The following CDKAL1 variants were observed in gnomAD, a reference collection of about 807,000 sequenced individuals.
CDKAL1 encodes threonylcarbamoyladenosine tRNA methylthiotransferase.
In CDKAL1, 32 loss-of-function variants were observed where a neutral mutation model predicts 68.2. That is an observed-to-expected ratio of 0.47 (90% CI 0.35 to 0.63). CDKAL1 has a LOEUF of 0.63. CDKAL1 is among the 30% of genes least tolerant of loss of function. CDKAL1 has a pLI of 0.00. For synonymous variants in CDKAL1, 234 were observed against 244.3 expected (o/e 0.96, Z 0.39); for missense variants, 606 against 696.7 (o/e 0.87, Z 1.47).
intron 8 of CDKAL1, among the ~76,000 whole-genome samples, chr6:20,811,060 G>A (rs1776794615): frequency 6.6e-6 from 1 of 152,100 alleles, no homozygotes; most frequent in South Asian, 2.1e-4. Context: ...CAGGTACAAC[G>A]TCTTCATCTC....
intron 8 of CDKAL1, among the ~76,000 whole-genome samples, chr6:20,820,656 A>C (rs1167845218): frequency 6.6e-6 from 1 of 152,104 alleles, no homozygotes; most frequent in Non-Finnish European, 1.5e-5. Flanking sequence ...TCTTAAGTTC[A>C]AGTCCTGGTT....
intron 15 of CDKAL1, among the ~76,000 whole-genome samples, chr6:21,228,769 C>T (rs1196630209): frequency 6.6e-6 from 1 of 152,232 alleles, no homozygotes; most frequent in African/African-American, 2.4e-5. Context: ...AGCTGAAGGA[C>T]TCTGCATTCT....
At chr6:21,128,882 T>C (rs1775149089) in intron 13 of CDKAL1, among the ~76,000 whole-genome samples, 1 of 152,248 alleles carries the variant, frequency 6.6e-6, no homozygotes, top group Non-Finnish European at 1.5e-5. Flanking sequence ...TGGACCATTG[T>C]ACCATAAAAC....
At chr6:20,832,008 A>G (rs998901637) in intron 8 of CDKAL1, among the ~76,000 whole-genome samples, 5 of 152,174 alleles carry the variant, frequency 3.3e-5, no homozygotes, top group Non-Finnish European at 7.3e-5. Flanking sequence ...TGCAAAACTT[A>G]TTGAACCACC....
chr6:21,163,194 G>C (rs1380600110), intron 13 of CDKAL1, among the ~76,000 whole-genome samples: 1 of 152,272 alleles, frequency 6.6e-6, no homozygotes, highest in East Asian at 1.9e-4. Flanking sequence ...ACCTTGCCTT[G>C]TGCAAAAGTC....
intron 4 of CDKAL1, among the ~76,000 whole-genome samples, chr6:20,602,547 G>A (rs1314269553): frequency 6.6e-6 from 1 of 152,080 alleles, no homozygotes; most frequent in Non-Finnish European, 1.5e-5. Flanking sequence ...TTTACGTCGT[G>A]GTTAGTGGTT....
intron 15 of CDKAL1, among the ~76,000 whole-genome samples, chr6:21,216,954 G>A (rs9358401): frequency 0.59 from 89,398 of 151,992 alleles, 27,095 homozygotes; most frequent in African/African-American, 0.74. Flanking sequence ...ATGCCCTCCT[G>A]TCTCCCACAG....
chr6:20,754,223 T>A (rs1774069151), intron 6 of CDKAL1, among the ~76,000 whole-genome samples: 1 of 152,166 alleles, frequency 6.6e-6, no homozygotes, highest in Non-Finnish European at 1.5e-5. Context: ...CTTAAAGTGA[T>A]CTTCCCATAT....
At chr6:20,752,011 C>G (rs1393881157) in intron 6 of CDKAL1, among the ~76,000 whole-genome samples, 1 of 151,584 alleles carries the variant, frequency 6.6e-6, no homozygotes, top group African/African-American at 2.4e-5. Flanking sequence ...ATTGTTTTTT[C>G]TTCTTTCTCT....
At chr6:21,090,952 G>A (rs1371129404) in intron 12 of CDKAL1, among the ~76,000 whole-genome samples, 2 of 151,890 alleles carry the variant, frequency 1.3e-5, no homozygotes, top group East Asian at 1.9e-4. Context: ...CTCCAGGCAA[G>A]CACCACAATG....
At chr6:20,964,234 T>G (rs911200816) in intron 10 of CDKAL1, among the ~76,000 whole-genome samples, 3 of 152,320 alleles carry the variant, frequency 2.0e-5, no homozygotes, top group Admixed American at 2.0e-4. Context: ...GTTCAACCAT[T>G]GTGGAAGACT....
chr6:20,568,203 G>T, intron 4 of CDKAL1, among the ~76,000 whole-genome samples: 1 of 151,838 alleles, frequency 6.6e-6, no homozygotes, highest in East Asian at 2.0e-4. Context: ...ATTTTTTGTA[G>T]AGACGGAGTC....
chr6:21,101,346 CAG>C (rs1265845263), intron 12 of CDKAL1, among the ~76,000 whole-genome samples: 2 of 152,124 alleles, frequency 1.3e-5, no homozygotes, highest in Admixed American at 1.3e-4. Context: ...CCAATTAAGT[CAG>C]AGTCACTGGG....
intron 8 of CDKAL1, chr6:20,799,711 C>A (rs144544551): frequency 4.6e-5 from 7 of 152,120 alleles, no homozygotes; most frequent in African/African-American, 1.7e-4. Context: ...CTGGTTAGAA[C>A]AAAAATGCCA....
At chr6:21,193,079 C>T (rs1034635957) in intron 13 of CDKAL1, among the ~76,000 whole-genome samples, 2 of 151,922 alleles carry the variant, frequency 1.3e-5, no homozygotes, top group Non-Finnish European at 2.9e-5. Flanking sequence ...TTGGCCTCCC[C>T]GAATGCTGGG....
At chr6:20,658,453 A>G (rs1489861579) in intron 5 of CDKAL1, among the ~76,000 whole-genome samples, 2 of 152,248 alleles carry the variant, frequency 1.3e-5, no homozygotes, top group East Asian at 3.8e-4. Context: ...TGTGTTTGAG[A>G]CAGAGGATAT....
intron 5 of CDKAL1, among the ~76,000 whole-genome samples, chr6:20,700,056 ATT>A (rs879622187): frequency 1.1e-3 from 163 of 144,452 alleles, no homozygotes; most frequent in African/African-American, 4.0e-3. Context: ...TGGATTAGGC[ATT>A]TTTTTTTTTT....
At chr6:20,605,129 C>T (rs1766278626) in intron 4 of CDKAL1, among the ~76,000 whole-genome samples, 1 of 152,200 alleles carries the variant, frequency 6.6e-6, no homozygotes, top group Non-Finnish European at 1.5e-5. Flanking sequence ...TGATACACTG[C>T]AGTCAAAGAG....
intron 13 of CDKAL1, among the ~76,000 whole-genome samples, chr6:21,181,499 T>C (rs1000736280): frequency 6.6e-6 from 1 of 152,222 alleles, no homozygotes; most frequent in African/African-American, 2.4e-5. Flanking sequence ...CATTGGATGA[T>C]GCAGCAAGAA....
Sources: gnomAD v4.1 joint callset for allele counts (sites outside exome capture counted in the v4.1 genomes callset) on GRCh38, gnomAD v4.1.1 for gene constraint, MANE v1.5 for transcripts, NCBI Gene and HGNC (gene_info 2026-07-23, HGNC 2026-07-21) for gene names.